DLGAP2: variants seen among roughly 807,000 people sequenced by gnomAD.
The protein encoded by DLGAP2 is disks large-associated protein 2.
Under a neutral mutation model 100.3 loss-of-function variants are expected in DLGAP2, and 26 were observed. The ratio of observed to expected loss-of-function variants is 0.26; its 90% CI spans 0.19 to 0.36. DLGAP2 has a LOEUF of 0.36. DLGAP2 is among the 10% of genes least tolerant of loss of function. The probability of loss-of-function intolerance (pLI) is 1.00; values close to 1 mark genes in which losing one functional copy is unlikely to be tolerated. For synonymous variants in DLGAP2, 886 were observed against 630.1 expected (o/e 1.41, Z -6.08); for missense variants, 1,858 against 1,453.2 (o/e 1.28, Z -4.53).
chr8:1,084,636 T>G (rs1451253944), intron 2 of DLGAP2, among the ~76,000 whole-genome samples: 1 of 150,346 alleles, frequency 6.7e-6, no homozygotes, highest in African/African-American at 2.5e-5. Context: ...TATTTGTCTT[T>G]CTGTGCCTGG....
At chr8:985,592 A>C (rs1211222342) in intron 2 of DLGAP2, among the ~76,000 whole-genome samples, 1 of 152,262 alleles carries the variant, frequency 6.6e-6, no homozygotes, top group African/African-American at 2.4e-5. Context: ...TTGACCAATC[A>C]AATCATGTAG....
At chr8:1,607,095 C>A (rs1796826159) in intron 6 of DLGAP2, among the ~76,000 whole-genome samples, 2 of 152,184 alleles carry the variant, frequency 1.3e-5, no homozygotes, top group South Asian at 4.1e-4. Flanking sequence ...GAGGAACTCC[C>A]AGACTGTTTT....
chr8:822,048 C>G (rs1796593126), intron 1 of DLGAP2: 1 of 398,550 alleles, frequency 2.5e-6, no homozygotes, highest in Admixed American at 4.4e-5. Context: ...GGTTATTTAC[C>G]CTTTTTATCA....
intron 2 of DLGAP2, among the ~76,000 whole-genome samples, chr8:1,100,091 C>G (rs1281198670): frequency 6.6e-6 from 1 of 152,252 alleles, no homozygotes; most frequent in Non-Finnish European, 1.5e-5. Context: ...CTGCCTGGGA[C>G]ATGAATCATC....
chr8:940,891 G>T lies in DLGAP2; in HGVS notation c.73+32925G>T, dbSNP rs13250923. Among the ~76,000 whole-genome samples the T allele has an allele frequency of 2.6e-5, 4 of 152,190 alleles. No individual in the cohort carries two copies. In the East Asian group the frequency reaches 5.8e-4, roughly 22 times the overall value. ...AGGCAGTCAGGCTGCTCGGGAGGCT[G>T]AGCCCAGGAGTCACCAGCCCTGAGA... On this transcript the variant is annotated intron_variant, in intron 2 of 14. Coordinates refer to ENST00000637795, the MANE Select transcript of DLGAP2 (RefSeq NM_001346810.2).
chr8:1,151,626 G>T (rs1029756978), intron 2 of DLGAP2, among the ~76,000 whole-genome samples: 3 of 152,168 alleles, frequency 2.0e-5, no homozygotes, highest in Non-Finnish European at 4.4e-5. Flanking sequence ...ACTGGCTTTA[G>T]GTAGAAAGGA....
chr8:971,668 A>G (rs1034866245), intron 2 of DLGAP2, among the ~76,000 whole-genome samples: 1 of 152,240 alleles, frequency 6.6e-6, no homozygotes, highest in Non-Finnish European at 1.5e-5. Flanking sequence ...AAATACCCGC[A>G]TACTTCTGCC....
At chr8:1,171,894 A>G (rs1035592605) in intron 2 of DLGAP2, among the ~76,000 whole-genome samples, 2 of 152,032 alleles carry the variant, frequency 1.3e-5, no homozygotes, top group African/African-American at 4.8e-5. Context: ...TTTAAAGTTA[A>G]TATTGTTATG....
intron 1 of DLGAP2, among the ~76,000 whole-genome samples, chr8:808,092 A>G (rs958611086): frequency 4.6e-5 from 7 of 152,108 alleles, no homozygotes; most frequent in Non-Finnish European, 1.0e-4. Flanking sequence ...TGTCAGCCTT[A>G]CCTGTCATAT....
chr8:1,220,931 G>C (rs915532779), intron 2 of DLGAP2, among the ~76,000 whole-genome samples: 2 of 151,984 alleles, frequency 1.3e-5, no homozygotes, highest in African/African-American at 2.4e-5. Context: ...TCTTCCTCTT[G>C]TTTGTTTTCC....
At chr8:1,110,067 CACA>C in intron 2 of DLGAP2, among the ~76,000 whole-genome samples, 1 of 118,800 alleles carries the variant, frequency 8.4e-6, no homozygotes, top group South Asian at 3.0e-4. Flanking sequence ...GTGATGTGTG[CACA>C]GGTCTGTGAG....
At chr8:873,006 G>C (rs1444400073) in intron 1 of DLGAP2, among the ~76,000 whole-genome samples, 3 of 151,836 alleles carry the variant, frequency 2.0e-5, no homozygotes, top group Non-Finnish European at 4.4e-5. Context: ...TACATATAAA[G>C]CTTAATACAG....
At chr8:839,007 A>G (rs966355257) in intron 1 of DLGAP2, among the ~76,000 whole-genome samples, 3 of 152,216 alleles carry the variant, frequency 2.0e-5, no homozygotes, top group African/African-American at 7.2e-5. Flanking sequence ...TTGTTAAATC[A>G]GGAAAAGCCA....
chr8:1,343,760 C>G (rs1282060245), intron 3 of DLGAP2, among the ~76,000 whole-genome samples: 1 of 151,944 alleles, frequency 6.6e-6, no homozygotes. Flanking sequence ...GGAGGCCTCT[C>G]CAAGAGGCGG....
At chr8:1,605,502 G>A (rs1238864066) in intron 6 of DLGAP2, among the ~76,000 whole-genome samples, 1 of 152,130 alleles carries the variant, frequency 6.6e-6, no homozygotes, top group South Asian at 2.1e-4. Context: ...TAGTGAGTGC[G>A]GCCTGTCCTT....
At chr8:1,487,101 G>C (rs1799252628) in intron 3 of DLGAP2, among the ~76,000 whole-genome samples, 1 of 152,220 alleles carries the variant, frequency 6.6e-6, no homozygotes, top group African/African-American at 2.4e-5. Context: ...TAAGTGCTGT[G>C]CTAAAACCTT....
chr8:1,339,059 G>T (rs551848436), intron 3 of DLGAP2, among the ~76,000 whole-genome samples: 2 of 152,098 alleles, frequency 1.3e-5, no homozygotes, highest in East Asian at 1.9e-4. Context: ...AGTGACCTCA[G>T]TGAGGCATCA....
chr8:1,163,032 C>T (rs764029430), intron 2 of DLGAP2, among the ~76,000 whole-genome samples: 2 of 152,200 alleles, frequency 1.3e-5, no homozygotes, highest in Admixed American at 6.5e-5. Flanking sequence ...TGGTGTAGGA[C>T]TCCGAGGTGA....
intron 2 of DLGAP2, among the ~76,000 whole-genome samples, chr8:1,063,775 G>A (rs374927853): frequency 3.3e-5 from 5 of 152,150 alleles, no homozygotes; most frequent in Non-Finnish European, 5.9e-5. Flanking sequence ...ATTTAGGTGG[G>A]TATCGACTAT....
Sources: allele counts gnomAD v4.1 joint callset (sites outside exome capture counted in the v4.1 genomes callset), GRCh38; gene constraint gnomAD v4.1.1; transcripts MANE v1.5; gene names NCBI Gene and HGNC (gene_info 2026-07-23, HGNC 2026-07-21).